The following TRAPPC9 variants were observed in gnomAD, a reference collection of about 807,000 sequenced individuals.
TRAPPC9 encodes IKK2 binding protein.
In TRAPPC9, 83 loss-of-function variants were observed where a neutral mutation model predicts 124.0. That is an observed-to-expected ratio of 0.67 (90% CI 0.56 to 0.80). The LOEUF (loss-of-function observed/expected upper bound fraction) is 0.80. Ranked by LOEUF, TRAPPC9 falls within the 30% of genes least tolerant of loss-of-function variation. The pLI is 0.00. For synonymous variants in TRAPPC9, 638 were observed against 617.5 expected (o/e 1.03, Z -0.49); for missense variants, 1,302 against 1,508.3 (o/e 0.86, Z 2.27).
At chr8:139,782,495 G>C (rs1456114743) in intron 21 of TRAPPC9, among the ~76,000 whole-genome samples, 3 of 152,202 alleles carry the variant, frequency 2.0e-5, no homozygotes, top group Non-Finnish European at 4.4e-5. Context: ...TAAGTATAAA[G>C]GGGTCAATTC....
At chr8:140,152,633 G>T (rs915058934) in intron 17 of TRAPPC9, among the ~76,000 whole-genome samples, 5 of 151,938 alleles carry the variant, frequency 3.3e-5, no homozygotes, top group African/African-American at 1.2e-4. Context: ...CTCCCAAAGT[G>T]CTGGGATTAC....
intron 21 of TRAPPC9, among the ~76,000 whole-genome samples, chr8:139,854,513 C>T (rs538929567): frequency 4.9e-4 from 74 of 152,346 alleles, no homozygotes; most frequent in Non-Finnish European, 8.7e-4. Context: ...GCACACAGAA[C>T]GCCTTCAGTA....
At chr8:139,977,215 G>A (rs1836534778) in intron 19 of TRAPPC9, among the ~76,000 whole-genome samples, 1 of 152,084 alleles carries the variant, frequency 6.6e-6, no homozygotes, top group South Asian at 2.1e-4. Context: ...GCCCGTGCGG[G>A]ACAGGGCTGG....
At chr8:140,208,646 C>T (rs1340991078) in intron 17 of TRAPPC9, among the ~76,000 whole-genome samples, 2 of 152,232 alleles carry the variant, frequency 1.3e-5, no homozygotes, top group African/African-American at 4.8e-5. Flanking sequence ...TTCCTGTTCC[C>T]TCATCCAACG....
Position 139,729,761 on chromosome 8 carries a change from G to A in TRAPPC9, c.*1300C>T, listed in dbSNP as rs1248730164. Among the ~76,000 whole-genome samples, 1 of 152,110 alleles carries A rather than the reference G, an allele frequency of 6.6e-6. No individual in the cohort carries two copies. The highest frequency in any genetic ancestry group is 1.5e-5 in the Non-Finnish European group (1 of 68,012). On this transcript the variant is annotated 3_prime_UTR_variant, in exon 23 of 23. Transcript: ENST00000438773. ...GGCCTCCTGATGCCAACATGACTCT[G>A]CCCCATGGGAGGCCAGGGCAGCCAC...
At chr8:139,796,015 T>TGAGGAGGAGGAA (rs1263486254) in intron 21 of TRAPPC9, among the ~76,000 whole-genome samples, 7 of 121,780 alleles carry the variant, frequency 5.7e-5, no homozygotes, top group Admixed American at 9.4e-5. Flanking sequence ...AAGAGGAGGA[T>TGAGGAGGAGGAA]GAGGAGGAGG....
chr8:140,272,767 C>A (rs1469756400), intron 15 of TRAPPC9, among the ~76,000 whole-genome samples: 2 of 151,950 alleles, frequency 1.3e-5, no homozygotes, highest in Non-Finnish European at 2.9e-5. Context: ...TTTCGAACAA[C>A]CAGCACTAAT....
At chr8:140,186,536 C>G (rs2062358711) in intron 17 of TRAPPC9, among the ~76,000 whole-genome samples, 1 of 151,954 alleles carries the variant, frequency 6.6e-6, no homozygotes, top group Admixed American at 6.5e-5. Context: ...CCACTGCACT[C>G]CAGCCTAGGC....
chr8:139,926,473 T>C (rs894614022), intron 19 of TRAPPC9, among the ~76,000 whole-genome samples: 3 of 152,204 alleles, frequency 2.0e-5, no homozygotes, highest in Non-Finnish European at 2.9e-5. Context: ...GCAGCCGCTA[T>C]AACCAGACTC....
chr8:140,287,058 A>C (rs2065503526), intron 13 of TRAPPC9, among the ~76,000 whole-genome samples: 1 of 152,120 alleles, frequency 6.6e-6, no homozygotes, highest in African/African-American at 2.4e-5. Context: ...GAGGCGGTAA[A>C]GTATCCAGAG....
intron 4 of TRAPPC9, among the ~76,000 whole-genome samples, chr8:140,431,951 C>T (rs986995086): frequency 3.3e-5 from 5 of 152,210 alleles, no homozygotes; most frequent in South Asian, 2.1e-4. Flanking sequence ...AATTTCACCA[C>T]TGTCCACATT....
intron 17 of TRAPPC9, among the ~76,000 whole-genome samples, chr8:140,175,548 T>A (rs889660319): frequency 6.6e-5 from 10 of 152,054 alleles, no homozygotes; most frequent in African/African-American, 2.4e-4. Flanking sequence ...ATCTCCAGAG[T>A]AAACTCTACT....
At chr8:140,108,069 A>T (rs1283693122) in intron 17 of TRAPPC9, among the ~76,000 whole-genome samples, 3 of 151,346 alleles carry the variant, frequency 2.0e-5, no homozygotes, top group Admixed American at 2.0e-4. Context: ...GTGATATCCG[A>T]ACTCACAATT....
intron 17 of TRAPPC9, among the ~76,000 whole-genome samples, chr8:140,091,126 G>A (rs1283045099): frequency 6.6e-6 from 1 of 152,150 alleles, no homozygotes; most frequent in Non-Finnish European, 1.5e-5. Context: ...AATGAAAGCA[G>A]AGGCACAGTG....
chr8:140,201,627 A>T (rs967834039), intron 17 of TRAPPC9, among the ~76,000 whole-genome samples: 1 of 152,182 alleles, frequency 6.6e-6, no homozygotes, highest in Admixed American at 6.5e-5. Flanking sequence ...ATTGTCATTC[A>T]TATGTTTTGT....
At chr8:139,992,981 C>T (rs1587436683) in intron 18 of TRAPPC9, among the ~76,000 whole-genome samples, 3 of 151,918 alleles carry the variant, frequency 2.0e-5, no homozygotes, top group Admixed American at 6.6e-5. Flanking sequence ...CAGTTCATGA[C>T]CTTGGAAAAA....
At chr8:139,749,833 C>T (rs975314714) in intron 21 of TRAPPC9, among the ~76,000 whole-genome samples, 1 of 152,192 alleles carries the variant, frequency 6.6e-6, no homozygotes, top group Non-Finnish European at 1.5e-5. Flanking sequence ...CAGGGCTGCC[C>T]AGTGGAGAGC....
chr8:140,394,568 G>A (rs186492919), intron 7 of TRAPPC9, among the ~76,000 whole-genome samples: 4 of 152,288 alleles, frequency 2.6e-5, no homozygotes, highest in Admixed American at 1.3e-4. Flanking sequence ...ATCTGACAGC[G>A]CGACTCCACT....
chr8:139,759,721 A>T (rs904849670), intron 21 of TRAPPC9, among the ~76,000 whole-genome samples: 2 of 151,996 alleles, frequency 1.3e-5, no homozygotes, highest in African/African-American at 2.4e-5. Context: ...CCCTGGGGGG[A>T]CACAAACTCT....
Sources: allele counts gnomAD v4.1 joint callset (sites outside exome capture counted in the v4.1 genomes callset), GRCh38; gene constraint gnomAD v4.1.1; transcripts MANE v1.5; gene names NCBI Gene and HGNC (gene_info 2026-07-23, HGNC 2026-07-21).